The following MICU2 variants were observed in gnomAD, a reference collection of about 807,000 sequenced individuals.
The protein encoded by MICU2 is mitochondrial calcium uptake 2, also known as calcium uptake protein 2, mitochondrial.
A neutral mutation model predicts 60.4 loss-of-function variants in MICU2; 64 were observed. The observed-to-expected ratio is 1.06, with a 90% CI of 0.87 to 1.31. The LOEUF (loss-of-function observed/expected upper bound fraction) is 1.31, where lower values mean the gene tolerates loss of function less well. Among genes scored for constraint, MICU2 ranks in the 50% most tolerant of loss-of-function variants. The pLI, the probability that MICU2 is intolerant of heterozygous loss-of-function variation, is 0.00. For missense variants in MICU2, 569 were observed against 531.0 expected (o/e 1.07, Z -0.70); for synonymous variants, 201 against 175.0 (o/e 1.15, Z -1.17).
At chr13:21,509,024 T>C (rs1308845843) in intron 8 of MICU2, among the ~76,000 whole-genome samples, 1 of 152,242 alleles carries the variant, frequency 6.6e-6, no homozygotes, top group Non-Finnish European at 1.5e-5. Context: ...ATAGCATATA[T>C]CACATTCAAT....
chr13:21,497,373 CAAAT>C (rs772747622), intron 9 of MICU2, among the ~76,000 whole-genome samples: 3 of 151,650 alleles, frequency 2.0e-5, no homozygotes, highest in Non-Finnish European at 4.4e-5. Context: ...TAAAAACAAA[CAAAT>C]AAATAAAAAA....
chr13:21,539,407 C>T (rs1417407828), intron 3 of MICU2, 30 bp from the exon 4 acceptor site: 1 of 1,588,308 alleles, frequency 6.3e-7, no homozygotes, highest in Non-Finnish European at 8.6e-7. Flanking sequence ...AATTAAACTT[C>T]TAAAAGTTCA....
intron 1 of MICU2, among the ~76,000 whole-genome samples, chr13:21,590,599 G>C (rs182858802): frequency 6.6e-6 from 1 of 152,176 alleles, no homozygotes; most frequent in African/African-American, 2.4e-5. Flanking sequence ...AGAATTGGTC[G>C]GGCGTGGTGG....
intron 4 of MICU2, among the ~76,000 whole-genome samples, chr13:21,522,928 T>C (rs1299372487): frequency 6.6e-6 from 1 of 152,226 alleles, no homozygotes; most frequent in African/African-American, 2.4e-5. Context: ...AGTGTCCAGA[T>C]TAAACATCAT....
chr13:21,515,555 A>C (rs989433933), intron 6 of MICU2: 6 of 441,682 alleles, frequency 1.4e-5, no homozygotes, highest in African/African-American at 1.2e-4. Flanking sequence ...AATCAATTGT[A>C]TCAATCCTCA....
At chr13:21,500,410 CCTA>C (rs1886117694) in intron 9 of MICU2, among the ~76,000 whole-genome samples, 1 of 142,352 alleles carries the variant, frequency 7.0e-6, no homozygotes, top group Non-Finnish European at 1.5e-5. Flanking sequence ...GTTCTTGATA[CCTA>C]CTGATTTTTT....
At chr13:21,564,584 C>T (rs1316214044) in intron 2 of MICU2, among the ~76,000 whole-genome samples, 1 of 152,106 alleles carries the variant, frequency 6.6e-6, no homozygotes, top group African/African-American at 2.4e-5. Context: ...AAGCGGTTCT[C>T]AGTTTTTTTG....
chr13:21,525,256 G>C lies in MICU2; in HGVS notation c.467-2606C>G, dbSNP rs952157840. On this transcript the variant is annotated intron_variant, in intron 4 of 11. Coordinates refer to ENST00000382374, the MANE Select transcript of MICU2 (RefSeq NM_152726.3). ...CGCCCAGGCTGGAGTGCAGTGGTGC[G>C]ATCTCGGCTCACTGCAAGCTCCGCC... Among the ~76,000 whole-genome samples, 4 of 136,232 alleles carry C rather than the reference G, an allele frequency of 2.9e-5. No individual in the cohort carries two copies. In the Admixed American group the frequency reaches 3.2e-4, roughly 11 times the overall value. 89.4% of individuals were successfully genotyped at this position (136,232 alleles called of 152,430 possible).
chr13:21,603,263 C>T (rs1888868333), intron 1 of MICU2, among the ~76,000 whole-genome samples: 1 of 152,182 alleles, frequency 6.6e-6, no homozygotes, highest in Non-Finnish European at 1.5e-5. Flanking sequence ...TGTGCCACCG[C>T]GCCCGGCGGA....
Position 21,535,342 on chromosome 13 carries a change from CATAAGATAACTCAGTTTAT to C in MICU2, c.466+3941_466+3959del, listed in dbSNP as rs564157430. ...CTTCAGGAAAAAAACATCAAATAAT[CATAAGATAACTCAGTTTAT>C]ATCCACAGAGATTATCTGAGTTTTC... On this transcript the variant is annotated intron_variant, in intron 4 of 11. Transcript: ENST00000382374. 6.4e-4 allele frequency among the ~76,000 whole-genome samples: 97 copies of C among 152,166 alleles called. No individual in the cohort carries two copies. In the East Asian group the frequency reaches 0.013, roughly 20 times the overall value.
At chr13:21,556,146 G>A (rs1887703083) in intron 2 of MICU2, among the ~76,000 whole-genome samples, 1 of 151,988 alleles carries the variant, frequency 6.6e-6, no homozygotes, top group South Asian at 2.1e-4. Flanking sequence ...CTCTAGTCAG[G>A]CTTTCATGTT....
chr13:21,525,913 CTTATTTATTTAT>C lies in MICU2; in HGVS notation c.467-3275_467-3264del, dbSNP rs60527711. Among the ~76,000 whole-genome samples the C allele has an allele frequency of 2.9e-3, 416 of 144,296 alleles. 1 individual carries two copies. The highest frequency in any genetic ancestry group is 5.1e-3 in the African/African-American group (200 of 39,062). The allele number at this position is 144,296 out of a possible 152,430, so 94.7% of individuals were successfully genotyped here. ...CAAATGTTCTTAATTGTGATGTAGT[CTTATTTATTTAT>C]TTATTTATTTATTTATTTATTTATT... On this transcript the variant is annotated intron_variant, in intron 4 of 11. Coordinates refer to ENST00000382374, the MANE Select transcript of MICU2 (RefSeq NM_152726.3).
chr13:21,544,918 C>T (rs911129057), intron 2 of MICU2, among the ~76,000 whole-genome samples: 4 of 152,136 alleles, frequency 2.6e-5, no homozygotes, highest in Non-Finnish European at 5.9e-5. Flanking sequence ...TCCCAAAGTG[C>T]TAGGATTACA....
At chr13:21,530,755 C>A in intron 4 of MICU2, 1 of 573,358 alleles carries the variant, frequency 1.7e-6, no homozygotes, top group East Asian at 3.6e-5. Flanking sequence ...AGCCCCCACC[C>A]CAGCCATACC....
intron 9 of MICU2, among the ~76,000 whole-genome samples, chr13:21,499,975 C>A (rs532842141): frequency 6.6e-6 from 1 of 152,130 alleles, no homozygotes; most frequent in African/African-American, 2.4e-5. Context: ...CTCAGGAGCA[C>A]AGGACAGCTT....
At chr13:21,539,125 T>C (rs1887210777) in intron 4 of MICU2, among the ~76,000 whole-genome samples, 177 bp downstream of exon 4, 1 of 152,168 alleles carries the variant, frequency 6.6e-6, no homozygotes, top group Admixed American at 6.5e-5. Flanking sequence ...ATTAAAACAT[T>C]GATGTTTTAA....
At chr13:21,557,407 C>A (rs1887734322) in intron 2 of MICU2, among the ~76,000 whole-genome samples, 1 of 152,068 alleles carries the variant, frequency 6.6e-6, no homozygotes, top group Admixed American at 6.6e-5. Flanking sequence ...TTAGAGTGCA[C>A]AATGGAGGAC....
At chr13:21,550,432 G>C (rs889562438) in intron 2 of MICU2, among the ~76,000 whole-genome samples, 1 of 152,124 alleles carries the variant, frequency 6.6e-6, no homozygotes, top group Non-Finnish European at 1.5e-5. Flanking sequence ...CAGCTACTTC[G>C]GAGACTGAGA....
At chr13:21,572,278 A>C (rs1888128514) in intron 1 of MICU2, among the ~76,000 whole-genome samples, 1 of 152,208 alleles carries the variant, frequency 6.6e-6, no homozygotes, top group South Asian at 2.1e-4. Flanking sequence ...AACATAAGCT[A>C]CAAACGTATC....
Sources: allele counts gnomAD v4.1 joint callset (sites outside exome capture counted in the v4.1 genomes callset), GRCh38; gene constraint gnomAD v4.1.1; transcripts MANE v1.5; gene names NCBI Gene and HGNC (gene_info 2026-07-23, HGNC 2026-07-21).